Variants in MMS22L observed in about 807,000 individuals in gnomAD.
MMS22L encodes the protein protein MMS22-like.
A neutral mutation model predicts 159.1 loss-of-function variants in MMS22L; 74 were observed. That is an observed-to-expected ratio of 0.47 (90% CI 0.39 to 0.56). The LOEUF is 0.56. Ranked by LOEUF, MMS22L falls within the 20% of genes least tolerant of loss-of-function variation. The pLI, the probability that MMS22L is intolerant of heterozygous loss-of-function variation, is 0.00. For synonymous variants in MMS22L, 517 were observed against 506.9 expected, an observed-to-expected ratio of 1.02 and a Z score of -0.27; for missense variants, 1,351 against 1,422.1, an observed-to-expected ratio of 0.95 and a Z score of 0.80.
Position 97,145,056 on chromosome 6 carries a change from ACAC to A in MMS22L, c.*1747_*1749del, listed in dbSNP as rs1800865226. 6.9e-6 allele frequency: 1 copy of A among 145,896 alleles called. No individual in the cohort carries two copies. The highest frequency in any genetic ancestry group is 6.8e-5 in the Admixed American group (1 of 14,698). 9.0% of individuals were successfully genotyped at this position (145,896 alleles called of 1,614,324 possible). A position where few individuals can be genotyped will look rare whatever the true frequency, so the allele number is the denominator to read the frequency against. On this transcript the variant is annotated 3_prime_UTR_variant, in exon 25 of 25. Coordinates refer to ENST00000683635, the MANE Select transcript of MMS22L (RefSeq NM_001350599.2). Reference sequence around the variant, plus strand: ...CACACACACACACACACACACACACACACACACACAAAAACACATATACACATA... The same window carrying A: ...CACACACACACACACACACACACACAACACACAAAAACACATATACACATA...
intron 3 of MMS22L, 28 bp downstream of exon 3, chr6:97,281,209 C>A: frequency 6.3e-7 from 1 of 1,588,836 alleles, no homozygotes; most frequent in Non-Finnish European, 8.5e-7. Flanking sequence ...AACACCTACA[C>A]TCACAGAAAG....
chr6:97,250,145 T>C (rs947540218), intron 10 of MMS22L, among the ~76,000 whole-genome samples: 1 of 152,174 alleles, frequency 6.6e-6, no homozygotes, highest in African/African-American at 2.4e-5. Context: ...CAGCATTTTT[T>C]TTTCTACATA....
At chr6:97,279,837 T>C (rs1227595344) in intron 3 of MMS22L, among the ~76,000 whole-genome samples, 1 of 151,024 alleles carries the variant, frequency 6.6e-6, no homozygotes, top group Non-Finnish European at 1.5e-5. Context: ...AGGTTAACAG[T>C]TACATAATAA....
At chr6:97,167,209 T>C (rs1803043668) in intron 20 of MMS22L, among the ~76,000 whole-genome samples, 1 of 152,084 alleles carries the variant, frequency 6.6e-6, no homozygotes, top group Non-Finnish European at 1.5e-5. Context: ...CTTACCTTCA[T>C]CCCGACATCT....
chr6:97,234,492 T>C (rs957666055), intron 11 of MMS22L, among the ~76,000 whole-genome samples: 1 of 152,190 alleles, frequency 6.6e-6, no homozygotes, highest in Non-Finnish European at 1.5e-5. Flanking sequence ...AAAACATAGA[T>C]GCTTTTTCTA....
chr6:97,155,128 T>C (rs894431030), intron 22 of MMS22L, among the ~76,000 whole-genome samples: 8 of 151,994 alleles, frequency 5.3e-5, no homozygotes, highest in Non-Finnish European at 1.0e-4. Context: ...TAAGAATCCA[T>C]TGTGATCATC....
chr6:97,197,575 A>AT (rs1278760551), intron 14 of MMS22L, among the ~76,000 whole-genome samples: 1 of 152,144 alleles, frequency 6.6e-6, no homozygotes. Context: ...GGTTTTTGGG[A>AT]TTTCAAATAC....
At chr6:97,257,026 T>C (rs1277752123) in intron 9 of MMS22L, among the ~76,000 whole-genome samples, 1 of 152,230 alleles carries the variant, frequency 6.6e-6, no homozygotes, top group Non-Finnish European at 1.5e-5. Context: ...TGGTCTTCTG[T>C]GATTCCACTG....
At chr6:97,173,866 TGA>T (rs553323104) in intron 18 of MMS22L, among the ~76,000 whole-genome samples, 22 of 151,666 alleles carry the variant, frequency 1.5e-4, no homozygotes, top group African/African-American at 5.3e-4. Flanking sequence ...AGGAAATAAA[TGA>T]GAGAATAAAT....
At chr6:97,239,641 G>A (rs949430743) in intron 11 of MMS22L, among the ~76,000 whole-genome samples, 2 of 152,142 alleles carry the variant, frequency 1.3e-5, no homozygotes, top group African/African-American at 2.4e-5. Context: ...GGCTGGGTGC[G>A]GTGGCTCCCA....
intron 14 of MMS22L, among the ~76,000 whole-genome samples, chr6:97,202,179 G>A (rs1410497272): frequency 6.6e-6 from 1 of 152,102 alleles, no homozygotes; most frequent in African/African-American, 2.4e-5. Context: ...ACTCAAGCTG[G>A]AAAGGACATA....
intron 19 of MMS22L, among the ~76,000 whole-genome samples, chr6:97,172,697 G>A (rs528285391): frequency 2.0e-5 from 3 of 152,210 alleles, no homozygotes; most frequent in Non-Finnish European, 2.9e-5. Context: ...AGATGTAAGC[G>A]ATAGTTTTCT....
intron 7 of MMS22L, among the ~76,000 whole-genome samples, 188 bp from the exon 8 acceptor site, chr6:97,268,190 C>CT (rs529896058): frequency 0.066 from 8,961 of 136,664 alleles, 394 homozygotes; most frequent in Non-Finnish European, 0.099. Context: ...TCAAAAGTTT[C>CT]TTTTTTTTTT....
intron 9 of MMS22L, chr6:97,258,704 CAAATAT>C (rs978942720): frequency 6.6e-5 from 10 of 152,078 alleles, no homozygotes; most frequent in African/African-American, 2.4e-4. Context: ...TCCAAGAATA[CAAATAT>C]AATAGATTTA....
chr6:97,222,166 T>C (rs1809725890), intron 14 of MMS22L, among the ~76,000 whole-genome samples: 1 of 151,968 alleles, frequency 6.6e-6, no homozygotes, highest in Admixed American at 6.6e-5. Flanking sequence ...AATAATACCA[T>C]ACCAATAAAA....
intron 22 of MMS22L, among the ~76,000 whole-genome samples, chr6:97,152,155 C>T (rs1801382517): frequency 6.6e-6 from 1 of 151,686 alleles, no homozygotes; most frequent in Non-Finnish European, 1.5e-5. Flanking sequence ...AAAGTTACAC[C>T]ATCCTAATCC....
intron 4 of MMS22L, among the ~76,000 whole-genome samples, chr6:97,275,670 ACAC>A (rs1348332141): frequency 6.6e-6 from 1 of 152,216 alleles, no homozygotes; most frequent in Non-Finnish European, 1.5e-5. Context: ...AAAAACACAC[ACAC>A]AATAGCTGAG....
chr6:97,223,206 T>A (rs1562476427), intron 14 of MMS22L, among the ~76,000 whole-genome samples: 1 of 152,062 alleles, frequency 6.6e-6, no homozygotes, highest in Non-Finnish European at 1.5e-5. Context: ...TTCCTACCTA[T>A]AATTTCTCTG....
At position 97,186,588 on chromosome 6, in the gene MMS22L, G is replaced by A. The variant is rs757803809; in HGVS notation, c.2142C>T (p.Ala714=). 3 of 1,612,340 alleles carry A rather than the reference G, an allele frequency of 1.9e-6. No individual in the cohort carries two copies. Among genetic ancestry groups the A allele is most frequent in the South Asian group, 1.1e-5 (1 of 90,926 alleles). ...SAKERHLAAV[A]SALWRHFFSF... ...AAAAGAAATGTCTCCACAGTGCACT[G>A]GCAACTGCAGCAAGGTGGCGCTCTT... Residue 714 remains alanine, a synonymous_variant, in exon 15 of 25, where the codon GCC becomes GCT. Coordinates refer to ENST00000683635, the MANE Select transcript of MMS22L (RefSeq NM_001350599.2).
Sources: gnomAD v4.1 joint callset for allele counts (sites outside exome capture counted in the v4.1 genomes callset) on GRCh38, gnomAD v4.1.1 for gene constraint, MANE v1.5 for transcripts, NCBI Gene and HGNC (gene_info 2026-07-23, HGNC 2026-07-21) for gene names.